Variants in RABGAP1 observed in about 807,000 individuals in gnomAD.
RABGAP1 encodes RAB GTPase activating protein 1.
A neutral mutation model predicts 137.6 loss-of-function variants in RABGAP1; 23 were observed. The ratio of observed to expected loss-of-function variants is 0.17; its 90% CI spans 0.12 to 0.24. RABGAP1 has a LOEUF of 0.24. Among genes scored for constraint, RABGAP1 ranks in the 10% least tolerant of loss-of-function variants. The pLI is 1.00. For synonymous variants in RABGAP1, 451 were observed against 450.7 expected, an observed-to-expected ratio of 1.00 and a Z score of -0.01; for missense variants, 906 against 1,275.8, an observed-to-expected ratio of 0.71 and a Z score of 4.42.
chr9:123,044,834 C>T (rs2033133603), intron 13 of RABGAP1, among the ~76,000 whole-genome samples: 1 of 152,024 alleles, frequency 6.6e-6, no homozygotes, highest in Non-Finnish European at 1.5e-5. Flanking sequence ...GAGTAGAATT[C>T]CTATAGTCTG....
intron 10 of RABGAP1, among the ~76,000 whole-genome samples, chr9:122,999,615 T>G (rs1049115561): frequency 5.9e-5 from 9 of 152,176 alleles, no homozygotes; most frequent in Non-Finnish European, 7.3e-5. Context: ...GATGTTTAAC[T>G]GTGACATGAT....
intron 13 of RABGAP1, among the ~76,000 whole-genome samples, chr9:123,047,484 T>C (rs928690416): frequency 8.3e-4 from 126 of 152,342 alleles, no homozygotes; most frequent in African/African-American, 2.8e-3. Flanking sequence ...TAATATACTT[T>C]GCTTGGGATT....
chr9:122,962,591 T>C (rs1469972060), intron 2 of RABGAP1, among the ~76,000 whole-genome samples: 2 of 151,776 alleles, frequency 1.3e-5, no homozygotes, highest in Non-Finnish European at 2.9e-5. Flanking sequence ...AGTAAAAATA[T>C]ATGTGGAAAA....
chr9:123,082,243 C>T (rs1375207731), intron 19 of RABGAP1, among the ~76,000 whole-genome samples: 1 of 152,094 alleles, frequency 6.6e-6, no homozygotes, highest in African/African-American at 2.4e-5. Context: ...TCCCCTGCTC[C>T]TAAACTAAAA....
At chr9:122,983,906 C>T (rs1588212540) in intron 2 of RABGAP1, among the ~76,000 whole-genome samples, 1 of 152,180 alleles carries the variant, frequency 6.6e-6, no homozygotes, top group East Asian at 1.9e-4. Flanking sequence ...GCTTTTATTT[C>T]TCAGGACTAT....
intron 19 of RABGAP1, among the ~76,000 whole-genome samples, chr9:123,089,242 T>C (rs970106910): frequency 6.6e-6 from 1 of 152,068 alleles, no homozygotes; most frequent in Non-Finnish European, 1.5e-5. Context: ...GTGAGGACTT[T>C]GGATGGAGTC....
chr9:123,028,297 C>A (rs1354892360), intron 13 of RABGAP1, among the ~76,000 whole-genome samples: 1 of 152,100 alleles, frequency 6.6e-6, no homozygotes, highest in African/African-American at 2.4e-5. Flanking sequence ...CTGTGGTAGG[C>A]CTCATGGATA....
chr9:123,099,798 G>A (rs1472038176), intron 24 of RABGAP1, among the ~76,000 whole-genome samples: 2 of 152,190 alleles, frequency 1.3e-5, no homozygotes, highest in Non-Finnish European at 2.9e-5. Context: ...ATTTCCAAAT[G>A]TCTGTAAGGC....
intron 17 of RABGAP1, among the ~76,000 whole-genome samples, chr9:123,075,647 A>T (rs185920367): frequency 1.3e-5 from 2 of 152,362 alleles, no homozygotes; most frequent in Admixed American, 1.3e-4. Context: ...TTAAGTAGCT[A>T]CTAAAGGCCA....
At chr9:122,972,798 A>G (rs771015704) in intron 2 of RABGAP1, among the ~76,000 whole-genome samples, 34 of 152,086 alleles carry the variant, frequency 2.2e-4, no homozygotes, top group Admixed American at 6.5e-4. Flanking sequence ...GCTTTACGTA[A>G]GCCCTTTAAA....
intron 2 of RABGAP1, among the ~76,000 whole-genome samples, chr9:122,972,252 C>T (rs933018100): frequency 2.6e-5 from 4 of 152,050 alleles, no homozygotes; most frequent in African/African-American, 7.2e-5. Context: ...AACAACAGTG[C>T]GACCCTGTCT....
intron 10 of RABGAP1, among the ~76,000 whole-genome samples, chr9:122,999,837 T>A (rs1055923255): frequency 6.6e-6 from 1 of 151,976 alleles, no homozygotes; most frequent in African/African-American, 2.4e-5. Flanking sequence ...GAGCTTTTGA[T>A]ATCTCTGAGG....
rs60115483 is a variant in RABGAP1, at chr9:122,949,693, C to CAA, written c.-49-7301_-49-7300dup. Among the ~76,000 whole-genome samples, 418 of 54,714 alleles carry CAA rather than the reference C, an allele frequency of 7.6e-3. 14 individuals carry two copies. The highest frequency in any genetic ancestry group is 0.049 in the East Asian group (100 of 2,034). The allele number at this position is 54,714 out of a possible 152,430, so 35.9% of individuals were successfully genotyped here. ...TGGGTGACAAAGCAAGACTCTGTCT[C>CAA]AAAAAAAAAAAAAAAAAAGGAAAAA... On this transcript the variant is annotated intron_variant, in intron 1 of 25. Transcript: ENST00000373647.
chr9:123,070,267 C>A lies in RABGAP1; in HGVS notation c.1909-83C>A. On this transcript the variant is annotated intron_variant, in intron 14 of 25. Transcript: ENST00000373647. This position sits in a 1 kb window ranked among gnomAD's most constrained non-coding sequence, Gnocchi z 4.4. ...AGTGTGGGTAGCATCCTCCAGGGTTCTGTATTCAAGGTCCTATAGTGCCAC... is the reference window on the plus strand; with the variant it reads ...AGTGTGGGTAGCATCCTCCAGGGTTATGTATTCAAGGTCCTATAGTGCCAC... 1 of 1,588,660 alleles carries A rather than the reference C, an allele frequency of 6.3e-7. No homozygotes were observed. The highest frequency in any genetic ancestry group is 1.2e-5 in the South Asian group (1 of 86,542).
rs760719070 is a variant in RABGAP1 at position 122,957,012 on chromosome 9, CA to C, written c.-47del. ...ATCTTTATGGTTTTTGTTTTTCAGG[CA>C]TTAAAAAATATTTAATCATTCATGT... On this transcript the variant is annotated splice_region_variant and 5_prime_UTR_variant, in exon 2 of 26. Coordinates refer to ENST00000373647, the MANE Select transcript of RABGAP1 (RefSeq NM_012197.4). The C allele has an allele frequency of 7.3e-7, 1 of 1,376,000 alleles. No individual in the cohort carries two copies. Among genetic ancestry groups the C allele is most frequent in the East Asian group, 2.5e-5 (1 of 40,510 alleles). The allele number at this position is 1,376,000 out of a possible 1,614,324, so 85.2% of individuals were successfully genotyped here. A position where few individuals can be genotyped will look rare whatever the true frequency, so the allele number is the denominator to read the frequency against.
chr9:122,958,786 A>G (rs893864849), intron 2 of RABGAP1, among the ~76,000 whole-genome samples: 1 of 152,126 alleles, frequency 6.6e-6, no homozygotes, highest in Non-Finnish European at 1.5e-5. Context: ...TGGCAAATGA[A>G]TCACTTGAGC....
At chr9:123,043,554 T>C (rs1255549591) in intron 13 of RABGAP1, among the ~76,000 whole-genome samples, 1 of 152,038 alleles carries the variant, frequency 6.6e-6, no homozygotes, top group Non-Finnish European at 1.5e-5. Flanking sequence ...GATTCAGTTA[T>C]GTGTTGCTGT....
chr9:122,949,589 G>C (rs1834115858), intron 1 of RABGAP1, among the ~76,000 whole-genome samples: 4 of 151,648 alleles, frequency 2.6e-5, no homozygotes, highest in Admixed American at 2.6e-4. Context: ...CAGCTATTCA[G>C]GAGGCTGAGG....
intron 13 of RABGAP1, among the ~76,000 whole-genome samples, chr9:123,022,740 T>C (rs547207867): frequency 4.6e-5 from 7 of 152,202 alleles, no homozygotes; most frequent in African/African-American, 1.7e-4. Context: ...TTAATTTAAA[T>C]TGCTAGTAGA....
Sources: allele counts gnomAD v4.1 joint callset (sites outside exome capture counted in the v4.1 genomes callset), GRCh38; gene constraint gnomAD v4.1.1; non-coding constraint Gnocchi (gnomAD v3.1); transcripts MANE v1.5; gene names NCBI Gene and HGNC (gene_info 2026-07-23, HGNC 2026-07-21).